Variants in ATXN7L1 observed in about 807,000 individuals in gnomAD.
The protein encoded by ATXN7L1 is ataxin-7-like protein 1.
ATXN7L1 carries 15 observed loss-of-function variants against 70.8 expected under a neutral mutation model. The observed-to-expected ratio is 0.21, with a 90% confidence interval of 0.14 to 0.33. The LOEUF (loss-of-function observed/expected upper bound fraction) is 0.33, where lower values mean the gene tolerates loss of function less well. ATXN7L1 is among the 10% of genes least tolerant of loss of function. The probability of loss-of-function intolerance (pLI) is 1.00; values close to 1 mark genes in which losing one functional copy is unlikely to be tolerated. For synonymous variants in ATXN7L1, 440 were observed against 445.1 expected, an observed-to-expected ratio of 0.99 and a Z score of 0.14; for missense variants, 975 against 1,097.1, an observed-to-expected ratio of 0.89 and a Z score of 1.57.
intron 2 of ATXN7L1, among the ~76,000 whole-genome samples, chr7:105,816,507 G>T (rs1173497140): frequency 6.6e-6 from 1 of 152,226 alleles, no homozygotes; most frequent in African/African-American, 2.4e-5. Context: ...TTCAGATTCA[G>T]AACCTATAAA....
At chr7:105,725,865 G>C (rs1272740236) in intron 3 of ATXN7L1, among the ~76,000 whole-genome samples, 1 of 149,024 alleles carries the variant, frequency 6.7e-6, no homozygotes, top group East Asian at 2.0e-4. Flanking sequence ...ACAGGCGTGA[G>C]CCACCACGCA....
At chr7:105,780,416 C>T (rs1326270438) in intron 3 of ATXN7L1, among the ~76,000 whole-genome samples, 2 of 152,074 alleles carry the variant, frequency 1.3e-5, no homozygotes, top group South Asian at 2.1e-4. Flanking sequence ...TCACCATCAA[C>T]ATGAAAAACA....
intron 3 of ATXN7L1, among the ~76,000 whole-genome samples, chr7:105,766,763 A>G (rs1161579676): frequency 1.3e-5 from 2 of 152,212 alleles, no homozygotes; most frequent in African/African-American, 4.8e-5. Context: ...CAGTGCTGGA[A>G]GAGAATCAAA....
At chr7:105,754,084 A>C (rs188196366) in intron 3 of ATXN7L1, among the ~76,000 whole-genome samples, 2,879 of 152,278 alleles carry the variant, frequency 0.019, 48 homozygotes, top group Middle Eastern at 0.061. Context: ...GTGGGAAAAT[A>C]CTTCTATGAC....
rs1792759794 is a variant in ATXN7L1 at position 105,606,235 on chromosome 7, A to G, written c.*1617T>C. ...ATTTTTAAACAAATCATTTTATATT[A>G]AAAAATTTAGTAATCCTATAAGAAA... On this transcript the variant is annotated 3_prime_UTR_variant, in exon 12 of 12. Transcript: ENST00000419735. The G allele has an allele frequency of 6.6e-6, 1 of 152,224 alleles. No individual in the cohort carries two copies. The highest frequency in any genetic ancestry group is 6.5e-5 in the Admixed American group (1 of 15,276). 9.4% of individuals were successfully genotyped at this position (152,224 alleles called of 1,614,324 possible). A position where few individuals can be genotyped will look rare whatever the true frequency, so the allele number is the denominator to read the frequency against.
intron 3 of ATXN7L1, among the ~76,000 whole-genome samples, chr7:105,726,856 CT>C (rs1795875975): frequency 6.6e-6 from 1 of 152,206 alleles, no homozygotes; most frequent in African/African-American, 2.4e-5. Context: ...GCAGCATCTA[CT>C]TTAGCATCAC....
chr7:105,727,767 T>TATATATATATAGA (rs34755557), intron 3 of ATXN7L1, among the ~76,000 whole-genome samples: 1 of 100,300 alleles, frequency 1.0e-5, no homozygotes, highest in Non-Finnish European at 1.9e-5. Flanking sequence ...TATATATATA[T>TATATATATATAGA]ATATATATAT....
intron 3 of ATXN7L1, among the ~76,000 whole-genome samples, chr7:105,672,489 A>G (rs937254371): frequency 2.6e-5 from 4 of 152,222 alleles, no homozygotes; most frequent in Non-Finnish European, 5.9e-5. Context: ...TTATTTAGCT[A>G]TTCTCGTACT....
chr7:105,723,564 C>T (rs1479867361), intron 3 of ATXN7L1, among the ~76,000 whole-genome samples: 3 of 152,224 alleles, frequency 2.0e-5, no homozygotes, highest in Non-Finnish European at 2.9e-5. Flanking sequence ...AAAAAACACA[C>T]TAGCCAAAGG....
rs78214323 is a variant in ATXN7L1 at position 105,773,902 on chromosome 7, G to A, written c.355+14702C>T. Among the ~76,000 whole-genome samples, 406 of 152,262 alleles carry A rather than the reference G, an allele frequency of 2.7e-3. 2 individuals carry two copies. Among genetic ancestry groups the A allele is most frequent in the African/African-American group, 8.3e-3 (346 of 41,554 alleles). Reference sequence around the variant, plus strand: ...GTTAAAAAAAATAAATGATAGGACCGTAGTTCTTCAGCCTGCATGTGGGGC... The same window carrying A: ...GTTAAAAAAAATAAATGATAGGACCATAGTTCTTCAGCCTGCATGTGGGGC... On this transcript the variant is annotated intron_variant, in intron 3 of 11. Transcript: ENST00000419735.
chr7:105,817,493 A>T (rs1347332229), intron 2 of ATXN7L1, among the ~76,000 whole-genome samples: 1 of 152,270 alleles, frequency 6.6e-6, no homozygotes, highest in African/African-American at 2.4e-5. Flanking sequence ...ACCACGAAGA[A>T]TGTAACTTGC....
At chr7:105,693,812 A>G (rs1341772121) in intron 3 of ATXN7L1, among the ~76,000 whole-genome samples, 2 of 152,162 alleles carry the variant, frequency 1.3e-5, no homozygotes, top group Admixed American at 1.3e-4. Flanking sequence ...CCCACATTTT[A>G]TTACCAACTA....
chr7:105,696,253 T>C (rs1320538865), intron 3 of ATXN7L1, among the ~76,000 whole-genome samples: 8 of 152,218 alleles, frequency 5.3e-5, no homozygotes, highest in African/African-American at 1.4e-4. Context: ...GAGGTATATG[T>C]AGTGCTTCCC....
At position 105,668,620 on chromosome 7, in the gene ATXN7L1, T is replaced by A. The variant is rs1342941065; in HGVS notation, c.356-3332A>T. ...TATTTTTAGTAGAGATAGGGTTTCATCATGTTGGCCAGGCTAGTGTTGAAC... is the reference window on the plus strand; with the variant it reads ...TATTTTTAGTAGAGATAGGGTTTCAACATGTTGGCCAGGCTAGTGTTGAAC... On this transcript the variant is annotated intron_variant, in intron 3 of 11. Coordinates refer to ENST00000419735, the MANE Select transcript of ATXN7L1 (RefSeq NM_020725.2). Among the ~76,000 whole-genome samples the A allele has an allele frequency of 2.6e-5, 4 of 152,172 alleles. No individual in the cohort carries two copies. The South Asian group carries it at 8.3e-4, about 32-fold the overall frequency.
At chr7:105,630,516 A>C (rs1191137994) in intron 7 of ATXN7L1, among the ~76,000 whole-genome samples, 1 of 152,056 alleles carries the variant, frequency 6.6e-6, no homozygotes, top group Non-Finnish European at 1.5e-5. Flanking sequence ...ACTTTTAAAA[A>C]GAGGCATCCA....
intron 2 of ATXN7L1, among the ~76,000 whole-genome samples, chr7:105,867,336 T>C (rs1047558347): frequency 6.6e-6 from 1 of 152,220 alleles, no homozygotes; most frequent in African/African-American, 2.4e-5. Flanking sequence ...AGCCTGACTT[T>C]AAATATAAAC....
chr7:105,730,789 T>G (rs1445880517), intron 3 of ATXN7L1, among the ~76,000 whole-genome samples: 3 of 152,066 alleles, frequency 2.0e-5, no homozygotes, highest in Non-Finnish European at 4.4e-5. Context: ...AAATGTAAGT[T>G]GGTGCCCTAG....
intron 5 of ATXN7L1, among the ~76,000 whole-genome samples, chr7:105,641,214 C>CTCTTTTTTTTTTTTTTTTTTT (rs1316374331): frequency 1.8e-4 from 4 of 21,794 alleles, no homozygotes; most frequent in Non-Finnish European, 3.4e-4. Context: ...CTCTCTCTCT[C>CTCTTTTTTTTTTTTTTTTTTT]TTTTTTTTTT....
intron 2 of ATXN7L1, among the ~76,000 whole-genome samples, chr7:105,861,004 G>A (rs1238338873): frequency 1.3e-5 from 2 of 152,200 alleles, no homozygotes; most frequent in African/African-American, 2.4e-5. Flanking sequence ...AGGGTGCGGA[G>A]AAGGTCCAGG....
Sources: gnomAD v4.1 joint callset for allele counts (sites outside exome capture counted in the v4.1 genomes callset) on GRCh38, gnomAD v4.1.1 for gene constraint, MANE v1.5 for transcripts, NCBI Gene and HGNC (gene_info 2026-07-23, HGNC 2026-07-21) for gene names.